THSD4: variants seen among roughly 807,000 people sequenced by gnomAD.
THSD4 encodes thrombospondin type 1 domain containing 4, also known as thrombospondin type-1 domain-containing protein 4.
THSD4 carries 69 observed loss-of-function variants against 119.0 expected under a neutral mutation model. The observed-to-expected ratio is 0.58, with a 90% CI of 0.48 to 0.71. The LOEUF (loss-of-function observed/expected upper bound fraction) is 0.71, where lower values mean the gene tolerates loss of function less well. Among genes scored for constraint, THSD4 ranks in the 30% least tolerant of loss-of-function variants. THSD4 has a pLI of 0.00. For synonymous variants in THSD4, 524 were observed against 540.4 expected (o/e 0.97, Z 0.42); for missense variants, 1,393 against 1,391.1 (o/e 1.00, Z -0.02).
intron 7 of THSD4, among the ~76,000 whole-genome samples, chr15:71,533,621 G>A (rs1567024432): frequency 6.6e-6 from 1 of 152,170 alleles, no homozygotes; most frequent in Admixed American, 6.5e-5. Flanking sequence ...GATTCTCAGA[G>A]ATGGAACTGG....
intron 1 of THSD4, among the ~76,000 whole-genome samples, chr15:71,107,377 G>A (rs2040278457): frequency 6.8e-6 from 1 of 147,042 alleles, no homozygotes; most frequent in Admixed American, 6.8e-5. Context: ...AGAGAAGGAA[G>A]GAAGGAGAAA....
intron 7 of THSD4, among the ~76,000 whole-genome samples, chr15:71,657,395 A>G (rs897071047): frequency 1.3e-5 from 2 of 152,122 alleles, no homozygotes; most frequent in Non-Finnish European, 2.9e-5. Flanking sequence ...TCATTACATC[A>G]TCTGATCTTC....
chr15:71,368,653 T>G (rs1445762383), intron 6 of THSD4, among the ~76,000 whole-genome samples: 3 of 152,198 alleles, frequency 2.0e-5, no homozygotes, highest in Non-Finnish European at 4.4e-5. Context: ...TATCTCTGTT[T>G]TGGTACCAGT....
At chr15:71,533,556 A>C (rs2048646759) in intron 7 of THSD4, among the ~76,000 whole-genome samples, 1 of 152,252 alleles carries the variant, frequency 6.6e-6, no homozygotes, top group Non-Finnish European at 1.5e-5. Context: ...TTTCACCATT[A>C]TGAACAATAC....
At chr15:71,439,921 G>A (rs1213827528) in intron 7 of THSD4, among the ~76,000 whole-genome samples, 3 of 152,080 alleles carry the variant, frequency 2.0e-5, no homozygotes, top group Non-Finnish European at 4.4e-5. Flanking sequence ...TGTAGGTGAC[G>A]GGTTGATGGG....
At chr15:71,235,090 A>G (rs1458981862) in intron 4 of THSD4, among the ~76,000 whole-genome samples, 1 of 152,210 alleles carries the variant, frequency 6.6e-6, no homozygotes, top group Non-Finnish European at 1.5e-5. Flanking sequence ...TTCCCTTGAT[A>G]GTCATTGTGA....
At chr15:71,570,907 G>T (rs1246709498) in intron 7 of THSD4, among the ~76,000 whole-genome samples, 1 of 152,164 alleles carries the variant, frequency 6.6e-6, no homozygotes, top group Admixed American at 6.5e-5. Context: ...ACACTCCAGG[G>T]TGTTCCCAGT....
At chr15:71,438,132 G>GCCCTCGCCCTCA (rs2047040525) in intron 7 of THSD4, among the ~76,000 whole-genome samples, 2 of 152,146 alleles carry the variant, frequency 1.3e-5, no homozygotes, top group East Asian at 3.9e-4. Flanking sequence ...TGCCCTCCTC[G>GCCCTCGCCCTCA]CCCTCGCCCT....
chr15:71,495,199 A>C (rs1262773122), intron 7 of THSD4, among the ~76,000 whole-genome samples: 1 of 152,196 alleles, frequency 6.6e-6, no homozygotes, highest in Admixed American at 6.5e-5. Flanking sequence ...CGTTTTTCTC[A>C]CCATAAATTT....
chr15:71,445,344 C>G (rs139396692), intron 7 of THSD4, among the ~76,000 whole-genome samples: 1 of 152,332 alleles, frequency 6.6e-6, no homozygotes, highest in East Asian at 1.9e-4. Context: ...TTGTCTTACT[C>G]ATCTTTGATC....
At chr15:71,228,391 C>A (rs1445029350) in intron 4 of THSD4, among the ~76,000 whole-genome samples, 1 of 152,008 alleles carries the variant, frequency 6.6e-6, no homozygotes, top group Admixed American at 6.5e-5. Context: ...CATGGCCCTG[C>A]TGCCACCTTG....
Position 71,442,658 on chromosome 15 carries a change from G to GTGTGTA in THSD4, c.1152+30838_1152+30839insGTATGT, listed in dbSNP as rs1403001889. 1.1e-3 allele frequency among the ~76,000 whole-genome samples: 35 copies of GTGTGTA among 31,328 alleles called. 2 individuals carry two copies. The highest frequency in any genetic ancestry group is 1.9e-3 in the African/African-American group (19 of 10,104). The allele number at this position is 31,328 out of a possible 152,430, so 20.6% of individuals were successfully genotyped here. ...TGTGTGTGTATATGTGTGTGTGTGT[G>GTGTGTA]TGTATATATATATATATATATATAT... On this transcript the variant is annotated intron_variant, in intron 7 of 17. Transcript: ENST00000261862.
At chr15:71,716,680 C>G (rs918049707) in intron 8 of THSD4, among the ~76,000 whole-genome samples, 14 of 151,360 alleles carry the variant, frequency 9.2e-5, no homozygotes, top group African/African-American at 3.4e-4. Flanking sequence ...GGGCTGTTAT[C>G]CTGCCCAGCC....
At chr15:71,749,494 C>T (rs2053403579) in intron 14 of THSD4, among the ~76,000 whole-genome samples, 1 of 152,064 alleles carries the variant, frequency 6.6e-6, no homozygotes, top group Admixed American at 6.5e-5. Context: ...GGGATGAGGA[C>T]ATGATTGGCT....
At chr15:71,567,833 T>C (rs1411578218) in intron 7 of THSD4, among the ~76,000 whole-genome samples, 3 of 151,990 alleles carry the variant, frequency 2.0e-5, no homozygotes, top group Non-Finnish European at 4.4e-5. Flanking sequence ...GTCTTCCCCA[T>C]GAATCCCATC....
At chr15:71,144,892 A>C (rs1323089796) in intron 2 of THSD4, among the ~76,000 whole-genome samples, 1 of 152,232 alleles carries the variant, frequency 6.6e-6, no homozygotes, top group Non-Finnish European at 1.5e-5. Flanking sequence ...ATGTGGACCA[A>C]AGTGTAGGCT....
chr15:71,336,745 G>A (rs1466318807), intron 6 of THSD4, among the ~76,000 whole-genome samples: 2 of 152,208 alleles, frequency 1.3e-5, no homozygotes, highest in East Asian at 3.8e-4. Context: ...TTTGGATACA[G>A]TGTCTGAAGC....
chr15:71,140,530 C>T (rs952945230), intron 1 of THSD4, among the ~76,000 whole-genome samples: 4 of 152,080 alleles, frequency 2.6e-5, no homozygotes, highest in Non-Finnish European at 5.9e-5. Flanking sequence ...AATCAGTTTT[C>T]GGCATGAGAT....
intron 7 of THSD4, among the ~76,000 whole-genome samples, chr15:71,525,694 G>A (rs28649668): frequency 0.053 from 8,114 of 152,302 alleles, 708 homozygotes; most frequent in African/African-American, 0.18. Context: ...GGACGCAGAT[G>A]AAGAAGTCTG....
Sources: allele counts gnomAD v4.1 joint callset (sites outside exome capture counted in the v4.1 genomes callset), GRCh38; gene constraint gnomAD v4.1.1; transcripts MANE v1.5; gene names NCBI Gene and HGNC (gene_info 2026-07-23, HGNC 2026-07-21).